The following ME3 variants were observed in gnomAD, a reference collection of about 807,000 sequenced individuals.
The protein encoded by ME3 is NADP-dependent malic enzyme, mitochondrial.
A neutral mutation model predicts 68.9 loss-of-function variants in ME3; 48 were observed. The ratio of observed to expected loss-of-function variants is 0.70; its 90% CI spans 0.55 to 0.89. The LOEUF is 0.89. ME3 is among the 40% of genes least tolerant of loss of function. The probability of loss-of-function intolerance (pLI) is 0.00; values close to 1 mark genes in which losing one functional copy is unlikely to be tolerated. For missense variants in ME3, 675 were observed against 797.4 expected, an observed-to-expected ratio of 0.85 and a Z score of 1.85; for synonymous variants, 320 against 318.8, an observed-to-expected ratio of 1.00 and a Z score of -0.04.
chr11:86,592,332 G>A (rs1959113247), intron 2 of ME3, among the ~76,000 whole-genome samples: 1 of 152,124 alleles, frequency 6.6e-6, no homozygotes. Context: ...CTTGCTCAAA[G>A]CCAGTTTCTT....
At chr11:86,621,609 T>A (rs1943354554) in intron 2 of ME3, among the ~76,000 whole-genome samples, 1 of 151,994 alleles carries the variant, frequency 6.6e-6, no homozygotes, top group African/African-American at 2.4e-5. Flanking sequence ...TTCCTACAAA[T>A]GCTTCAACTT....
chr11:86,573,892 G>A (rs1324032200), intron 2 of ME3, among the ~76,000 whole-genome samples: 3 of 152,178 alleles, frequency 2.0e-5, no homozygotes, highest in African/African-American at 7.2e-5. Context: ...AGATAATCAT[G>A]TGGTTATTGT....
At chr11:86,506,568 T>G (rs1454982889) in intron 5 of ME3, among the ~76,000 whole-genome samples, 8 of 152,178 alleles carry the variant, frequency 5.3e-5, no homozygotes, top group Non-Finnish European at 1.0e-4. Context: ...GCCTTTTTGT[T>G]AAACAGAGGT....
At chr11:86,577,254 A>G (rs1380391198) in intron 2 of ME3, among the ~76,000 whole-genome samples, 1 of 152,236 alleles carries the variant, frequency 6.6e-6, no homozygotes, top group Non-Finnish European at 1.5e-5. Flanking sequence ...ATAGGGGATC[A>G]GAAAAGCAAA....
chr11:86,670,898 T>C (rs567654130), intron 2 of ME3, among the ~76,000 whole-genome samples: 1 of 152,352 alleles, frequency 6.6e-6, no homozygotes, highest in Admixed American at 6.5e-5. Context: ...ATATCTATTT[T>C]AGGCTGGAGA....
intron 2 of ME3, among the ~76,000 whole-genome samples, chr11:86,617,063 T>TTTTTG (rs1943024416): frequency 1.4e-5 from 2 of 139,828 alleles, no homozygotes; most frequent in South Asian, 2.4e-4. Context: ...TTTTTTTTTT[T>TTTTTG]TTTTTTTTTT....
chr11:86,656,577 A>G (rs1165457299), intron 2 of ME3, among the ~76,000 whole-genome samples: 1 of 133,920 alleles, frequency 7.5e-6, no homozygotes, highest in Non-Finnish European at 1.6e-5. Context: ...GAAGGGGAAC[A>G]TCACACACCA....
chr11:86,640,909 C>A (rs1425083313), intron 2 of ME3, among the ~76,000 whole-genome samples: 1 of 152,020 alleles, frequency 6.6e-6, no homozygotes, highest in Non-Finnish European at 1.5e-5. Context: ...AGGATATTGC[C>A]CTTTCCCCAT....
chr11:86,556,833 C>T, intron 3 of ME3, 131 bp from the exon 4 acceptor site: 1 of 934,780 alleles, frequency 1.1e-6, no homozygotes, highest in Non-Finnish European at 1.6e-6. Context: ...GCCATCTGCC[C>T]TGAGCATGAG....
intron 2 of ME3, among the ~76,000 whole-genome samples, chr11:86,615,772 G>C (rs956443402): frequency 6.6e-6 from 1 of 152,180 alleles, no homozygotes; most frequent in African/African-American, 2.4e-5. Flanking sequence ...CTTAGGGGTT[G>C]GGGCTGGGGG....
At chr11:86,468,825 T>C (rs1950626866) in intron 7 of ME3, among the ~76,000 whole-genome samples, 1 of 152,224 alleles carries the variant, frequency 6.6e-6, no homozygotes, top group African/African-American at 2.4e-5. Flanking sequence ...CTAGTGTTTA[T>C]TACCTGCTGG....
chr11:86,663,398 A>G (rs1183297881), intron 2 of ME3, among the ~76,000 whole-genome samples: 1 of 152,152 alleles, frequency 6.6e-6, no homozygotes, highest in Non-Finnish European at 1.5e-5. Context: ...CAGATACAAA[A>G]TGAATGCATG....
chr11:86,670,358 G>C (rs1946844158), intron 2 of ME3, among the ~76,000 whole-genome samples: 2 of 152,344 alleles, frequency 1.3e-5, no homozygotes, highest in African/African-American at 2.4e-5. Flanking sequence ...GCAGAGTAGA[G>C]AGCCAGAGAG....
chr11:86,537,627 C>G (rs896874781), intron 4 of ME3, among the ~76,000 whole-genome samples: 4 of 152,232 alleles, frequency 2.6e-5, no homozygotes, highest in African/African-American at 9.6e-5. Flanking sequence ...TCAAGGGTCT[C>G]TTAAAAGCTA....
At chr11:86,572,277 T>A (rs1359585745) in intron 2 of ME3, among the ~76,000 whole-genome samples, 7 of 85,706 alleles carry the variant, frequency 8.2e-5, no homozygotes. Flanking sequence ...TAAAGGGAAT[T>A]TTTTTTTTTT....
At chr11:86,437,006 T>C (rs140201533), downstream of ME3, 58 of 152,292 alleles carry the variant, frequency 3.8e-4, no homozygotes, top group African/African-American at 1.3e-3. Flanking sequence ...GTATGGACTT[T>C]TAGTGTAATC....
chr11:86,509,194 A>G (rs1446652530), intron 4 of ME3, among the ~76,000 whole-genome samples: 1 of 152,020 alleles, frequency 6.6e-6, no homozygotes, highest in Non-Finnish European at 1.5e-5. Context: ...GGCTGATTCC[A>G]GGGACTGTTT....
At chr11:86,494,532 G>A (rs1317182871) in intron 6 of ME3, among the ~76,000 whole-genome samples, 1 of 152,130 alleles carries the variant, frequency 6.6e-6, no homozygotes, top group African/African-American at 2.4e-5. Flanking sequence ...GCACATAGGA[G>A]GGCAGATCAG....
chr11:86,660,450 A>G (rs1946200486), intron 2 of ME3, among the ~76,000 whole-genome samples: 1 of 152,248 alleles, frequency 6.6e-6, no homozygotes, highest in Admixed American at 6.5e-5. Flanking sequence ...CTTAATCATT[A>G]TAGCAACTTG....
Sources: allele counts gnomAD v4.1 joint callset (sites outside exome capture counted in the v4.1 genomes callset), GRCh38; gene constraint gnomAD v4.1.1; transcripts MANE v1.5; gene names NCBI Gene and HGNC (gene_info 2026-07-23, HGNC 2026-07-21).